Variants in SGCD observed in about 807,000 individuals in gnomAD.
SGCD encodes sarcoglycan delta, also known as delta-sarcoglycan.
Under a neutral mutation model 36.6 loss-of-function variants are expected in SGCD, and 18 were observed. That is an observed-to-expected ratio of 0.49 (90% confidence interval 0.34 to 0.73). The LOEUF is 0.73. Among genes scored for constraint, SGCD ranks in the 30% least tolerant of loss-of-function variants. SGCD has a pLI of 0.01. For synonymous variants in SGCD, 133 were observed against 130.6 expected (o/e 1.02, Z -0.12); for missense variants, 387 against 346.7 (o/e 1.12, Z -0.92).
chr5:156,582,472 A>G (rs1348538709), intron 4 of SGCD, among the ~76,000 whole-genome samples: 1 of 152,140 alleles, frequency 6.6e-6, no homozygotes, highest in East Asian at 1.9e-4. Flanking sequence ...TACACACCCA[A>G]AAGCAATCTC....
chr5:156,690,100 AAATGCTTTACAAATATTAATTCACTT>A (rs1212519897), intron 7 of SGCD, among the ~76,000 whole-genome samples: 1 of 152,200 alleles, frequency 6.6e-6, no homozygotes, highest in Non-Finnish European at 1.5e-5. Context: ...ACACTGTCCT[AAATGCTTTACAAATATTAATTCACTT>A]AATCTTCATA....
At chr5:155,963,202 C>A (rs1261772331) in intron 1 of SGCD, among the ~76,000 whole-genome samples, 1 of 151,956 alleles carries the variant, frequency 6.6e-6, no homozygotes, top group Non-Finnish European at 1.5e-5. Context: ...GCCAACCCAT[C>A]ATAAATGTTC....
intron 1 of SGCD, among the ~76,000 whole-genome samples, chr5:156,002,354 A>G (rs1367549035): frequency 6.6e-6 from 1 of 152,218 alleles, no homozygotes; most frequent in Non-Finnish European, 1.5e-5. Context: ...GTGGATTTCT[A>G]GCTTCCAGAA....
intron 1 of SGCD, among the ~76,000 whole-genome samples, chr5:156,070,287 T>C (rs1003617597): frequency 6.6e-6 from 1 of 152,108 alleles, no homozygotes; most frequent in African/African-American, 2.4e-5. Context: ...TAGCTCTCAT[T>C]ATTTTGAGAT....
chr5:156,109,723 C>T (rs1761739118), intron 1 of SGCD, among the ~76,000 whole-genome samples: 1 of 152,120 alleles, frequency 6.6e-6, no homozygotes, highest in Non-Finnish European at 1.5e-5. Flanking sequence ...CATCTCATGC[C>T]CCTCTCTCTG....
intron 3 of SGCD, among the ~76,000 whole-genome samples, chr5:156,503,695 G>T (rs1756555400): frequency 2.6e-5 from 4 of 152,090 alleles, no homozygotes; most frequent in Admixed American, 2.6e-4. Context: ...TAACAAATTT[G>T]CTCACTTGTA....
rs182205227 is a variant in SGCD at position 156,203,303 on chromosome 5, T to G, written c.-44+79284T>G. 2.4e-4 allele frequency among the ~76,000 whole-genome samples: 36 copies of G among 152,244 alleles called. 2 individuals are homozygous for G. In the East Asian group the frequency reaches 6.9e-3, roughly 29 times the overall value. ...TGTAGGGACTTACAATTTAAATTCT[T>G]CAAGATCACCATAAGAATGAAGACC... On this transcript the variant is annotated intron_variant, in intron 3 of 9. Transcript: ENST00000517913.
chr5:155,756,499 T>G, the SGCD span, among the ~76,000 whole-genome samples: 1 of 152,176 alleles, frequency 6.6e-6, no homozygotes, highest in Non-Finnish European at 1.5e-5. Context: ...AAAGAGACCT[T>G]CTGTGAATAT....
At chr5:156,685,920 G>T (rs1292610789) in intron 7 of SGCD, among the ~76,000 whole-genome samples, 1 of 152,168 alleles carries the variant, frequency 6.6e-6, no homozygotes, top group African/African-American at 2.4e-5. Flanking sequence ...TTTCCTGAGG[G>T]TGGAGGGTGG....
chr5:156,103,783 G>A (rs1403771775), intron 1 of SGCD, among the ~76,000 whole-genome samples: 1 of 152,042 alleles, frequency 6.6e-6, no homozygotes, highest in Non-Finnish European at 1.5e-5. Context: ...TGCAAATGTT[G>A]CCATGAGTCA....
intron 7 of SGCD, among the ~76,000 whole-genome samples, chr5:156,727,460 G>A (rs1288345494): frequency 6.6e-6 from 1 of 152,186 alleles, no homozygotes; most frequent in East Asian, 1.9e-4. Context: ...TATTTGATTG[G>A]AGATAGACCA....
At chr5:156,271,456 G>A (rs1043042166) in intron 3 of SGCD, among the ~76,000 whole-genome samples, 2 of 152,110 alleles carry the variant, frequency 1.3e-5, no homozygotes, top group African/African-American at 4.8e-5. Flanking sequence ...GGCCAGGGCA[G>A]GGGAGGGAAA....
chr5:155,953,847 G>A (rs1027904748), intron 1 of SGCD, among the ~76,000 whole-genome samples: 25 of 152,192 alleles, frequency 1.6e-4, no homozygotes, highest in Middle Eastern at 3.4e-3. Flanking sequence ...TCAGTTGTGC[G>A]TTAAAATATC....
intron 1 of SGCD, among the ~76,000 whole-genome samples, chr5:156,020,936 T>C (rs189082968): frequency 2.4e-4 from 37 of 152,338 alleles, no homozygotes; most frequent in African/African-American, 8.4e-4. Flanking sequence ...AGTGATTATG[T>C]CTGGAACAGA....
intron 3 of SGCD, among the ~76,000 whole-genome samples, chr5:156,423,136 A>T (rs1437649463): frequency 4.2e-5 from 5 of 119,876 alleles, no homozygotes; most frequent in Admixed American, 1.0e-4. Flanking sequence ...TTAATTAATA[A>T]TTAATATTTA....
At chr5:156,234,512 C>A (rs901748646) in intron 3 of SGCD, among the ~76,000 whole-genome samples, 1 of 152,040 alleles carries the variant, frequency 6.6e-6, no homozygotes, top group Non-Finnish European at 1.5e-5. Flanking sequence ...TTAAAAAAAA[C>A]AATAACAACA....
At chr5:156,558,244 C>T (rs2113230227) in intron 4 of SGCD, among the ~76,000 whole-genome samples, 1 of 151,622 alleles carries the variant, frequency 6.6e-6, no homozygotes, top group East Asian at 1.9e-4. Context: ...GGCCAAGTTA[C>T]TTACCCTCTC....
At chr5:156,489,039 T>C (rs1450597721) in intron 3 of SGCD, among the ~76,000 whole-genome samples, 2 of 152,036 alleles carry the variant, frequency 1.3e-5, no homozygotes, top group Non-Finnish European at 2.9e-5. Flanking sequence ...AAAAGGGATT[T>C]CATGCAAATG....
intron 7 of SGCD, among the ~76,000 whole-genome samples, chr5:156,757,078 G>T (rs918562828): frequency 6.6e-6 from 1 of 151,932 alleles, no homozygotes; most frequent in Admixed American, 6.6e-5. Context: ...GGTAAAGAAA[G>T]ACTTACCCAT....
Sources: allele counts gnomAD v4.1 joint callset (sites outside exome capture counted in the v4.1 genomes callset), GRCh38; gene constraint gnomAD v4.1.1; transcripts MANE v1.5; gene names NCBI Gene and HGNC (gene_info 2026-07-23, HGNC 2026-07-21).